The following ZNF534 variants were observed in gnomAD, a reference collection of about 807,000 sequenced individuals.
The protein encoded by ZNF534 is zinc finger protein 534, also known as KRAB domain only 3.
In ZNF534, 19 loss-of-function variants were observed where a neutral mutation model predicts 13.6. The observed-to-expected ratio is 1.40, with a 90% CI of 0.97 to 2.05. The LOEUF is 2.05. Ranked by LOEUF, ZNF534 falls within the 30% of genes most tolerant of loss-of-function variation. The probability of loss-of-function intolerance (pLI) is 0.00; values close to 1 mark genes in which losing one functional copy is unlikely to be tolerated. For missense variants in ZNF534, 782 were observed against 796.3 expected (o/e 0.98, Z 0.22); for synonymous variants, 244 against 273.8 (o/e 0.89, Z 1.07).
intron 1 of ZNF534, among the ~76,000 whole-genome samples, chr19:52,430,779 C>T (rs1224503332): frequency 1.3e-5 from 2 of 151,854 alleles, no homozygotes; most frequent in Non-Finnish European, 2.9e-5. Context: ...AACTCCTGAC[C>T]TCGTGATCGA....
At chr19:52,449,605 G>A (rs1189732694) in intron 4 of ZNF534, among the ~76,000 whole-genome samples, 1 of 152,060 alleles carries the variant, frequency 6.6e-6, no homozygotes, top group African/African-American at 2.4e-5. Flanking sequence ...CTGTGGTTTT[G>A]ATTTGCATTT....
intron 4 of ZNF534, among the ~76,000 whole-genome samples, chr19:52,449,430 G>T (rs2059205309): frequency 6.6e-6 from 1 of 151,280 alleles, no homozygotes; most frequent in Admixed American, 6.6e-5. Flanking sequence ...TCTGTTTGTA[G>T]TTTATTGAAG....
chr19:52,436,440 C>A (rs2446078), intron 4 of ZNF534, among the ~76,000 whole-genome samples: 1 of 152,116 alleles, frequency 6.6e-6, no homozygotes, highest in Non-Finnish European at 1.5e-5. Flanking sequence ...TGTCTTTGGG[C>A]TAATTTTAGT....
At chr19:52,434,165 T>C (rs2059112677) in intron 3 of ZNF534, 84 bp downstream of exon 3, 5 of 1,544,246 alleles carry the variant, frequency 3.2e-6, no homozygotes, top group Non-Finnish European at 4.4e-6. Context: ...CGGGAGCCCC[T>C]GCATTGCTTG....
chr19:52,445,058 T>A (rs10408608), downstream of ZNF534, among the ~76,000 whole-genome samples: 1 of 152,128 alleles, frequency 6.6e-6, no homozygotes, highest in Non-Finnish European at 1.5e-5. Context: ...AAAGTTCAAC[T>A]GGAGGTTTCC....
At chr19:52,433,253 A>G (rs1016022750) in intron 2 of ZNF534, among the ~76,000 whole-genome samples, 3 of 151,642 alleles carry the variant, frequency 2.0e-5, no homozygotes, top group Admixed American at 6.6e-5. Context: ...AAAAAAAAAA[A>G]AAAAAAAGAA....
At position 52,439,597 on chromosome 19, in the gene ZNF534, A is replaced by G. The variant is rs1177044604; in HGVS notation, c.*151A>G. Reference sequence around the variant, plus strand: ...TCTCTACTAAAAATACAAAAAAAAAAAAAAAAAAAAAATTAGCTGGGTGTG... The same window carrying G: ...TCTCTACTAAAAATACAAAAAAAAAGAAAAAAAAAAAATTAGCTGGGTGTG... On this transcript the variant is annotated 3_prime_UTR_variant, in exon 5 of 5. Coordinates refer to ENST00000433050, the MANE Select transcript of ZNF534 (RefSeq NM_001143938.3). 6.8e-6 allele frequency among the ~76,000 whole-genome samples: 1 copy of G among 147,620 alleles called. No individual in the cohort carries two copies. The highest frequency in any genetic ancestry group is 1.5e-5 in the Non-Finnish European group (1 of 66,512).
Position 52,440,867 on chromosome 19 carries a change from T to C in ZNF534, c.*1421T>C, listed in dbSNP as rs2059167810. Among the ~76,000 whole-genome samples the C allele has an allele frequency of 6.6e-6, 1 of 151,592 alleles. No homozygotes were observed. The highest frequency in any genetic ancestry group is 6.6e-5 in the Admixed American group (1 of 15,194). ...ATTGAGAAGGTGTTCAGGTCTTAACTGTTCATTTTGTAATCCATAGTGGAG... is the reference window on the plus strand; with the variant it reads ...ATTGAGAAGGTGTTCAGGTCTTAACCGTTCATTTTGTAATCCATAGTGGAG... On this transcript the variant is annotated 3_prime_UTR_variant, in exon 5 of 5. Coordinates refer to ENST00000433050, the MANE Select transcript of ZNF534 (RefSeq NM_001143938.3).
downstream of ZNF534, among the ~76,000 whole-genome samples, chr19:52,442,644 C>T (rs1043888754): frequency 6.6e-6 from 1 of 152,166 alleles, no homozygotes. Context: ...CTACTTTCCT[C>T]TTTATAACTT....
rs567972035 is a variant in ZNF534, at chr19:52,433,398, A to G, written c.16-557A>G. Among the ~76,000 whole-genome samples the G allele has an allele frequency of 4.4e-4, 66 of 150,790 alleles. No individual in the cohort carries two copies. In the South Asian group the frequency reaches 0.012, roughly 26 times the overall value. On this transcript the variant is annotated intron_variant, in intron 2 of 4. Coordinates refer to ENST00000433050, the MANE Select transcript of ZNF534 (RefSeq NM_001143938.3). The stretch of plus-strand genomic sequence containing the variant: ...TGGGGGGGGGAGGGGACGGAGTCTC[A>G]CTCTGTCACCCAGGCTGGAGTGCAG...
Position 52,439,210 on chromosome 19 carries a change from G to A in ZNF534, c.1750G>A (p.Gly584Ser), listed in dbSNP as rs537296309. The part of the protein sequence containing the change: ...GEKPHSCNEC[G>S]KVFSRNSHLA... ...GAAGCCTCACAGTTGTAATGAATGT[G>A]GCAAGGTCTTCAGTCGGAATTCACA... Residue 584 changes from glycine (G) to serine (S), a missense_variant, in exon 5 of 5, where the codon GGC (glycine) becomes AGC (serine). Coordinates refer to ENST00000433050, the MANE Select transcript of ZNF534 (RefSeq NM_001143938.3). The A allele has an allele frequency of 2.4e-5, 37 of 1,536,720 alleles. No individual in the cohort carries two copies. The Admixed American group carries it at 4.8e-4, about 20-fold the overall frequency.
At chr19:52,445,585 T>C (rs143079465), downstream of ZNF534, among the ~76,000 whole-genome samples, 4 of 152,310 alleles carry the variant, frequency 2.6e-5, no homozygotes, top group East Asian at 7.7e-4. Flanking sequence ...CGGTTTGTGT[T>C]CTTGGCAGAC....
At chr19:52,448,900 C>T (rs1017074131) in intron 4 of ZNF534, among the ~76,000 whole-genome samples, 2 of 152,120 alleles carry the variant, frequency 1.3e-5, no homozygotes, top group Non-Finnish European at 2.9e-5. Context: ...TTGAAATATA[C>T]AATAAATTAT....
chr19:52,435,953 T>G (rs1320924299), intron 4 of ZNF534, among the ~76,000 whole-genome samples: 4 of 143,284 alleles, frequency 2.8e-5, no homozygotes, highest in African/African-American at 1.0e-4. Flanking sequence ...TTTTTTTTTT[T>G]TTTGAGACCG....
At chr19:52,446,170 A>C (rs2059193753), downstream of ZNF534, among the ~76,000 whole-genome samples, 1 of 152,170 alleles carries the variant, frequency 6.6e-6, no homozygotes, top group South Asian at 2.1e-4. Flanking sequence ...CATTTGTTGA[A>C]GTAAATGAAA....
Position 52,438,730 on chromosome 19 carries a change from G to A in ZNF534, c.1270G>A (p.Asp424Asn), listed in dbSNP as rs2059148544. Residue 424 changes from aspartate (D) to asparagine (N), a missense_variant, in exon 5 of 5, where the codon GAT (aspartate) becomes AAT (asparagine). By Grantham distance (23) the Asp-to-Asn change is conservative (BLOSUM62 1). Around this residue, in one of 5 missense-constraint regions of ZNF534, gnomAD observed 591 missense variants for 574.0 expected, o/e 1.03. Coordinates refer to ENST00000433050, the MANE Select transcript of ZNF534 (RefSeq NM_001143938.3). The stretch of plus-strand genomic sequence containing the variant: ...TGGCAAAGCATTTAGAACGTGTTCA[G>A]ATCTCACTGCCCATCTTCTAATCCA... ...ECGKAFRTCS[D>N]LTAHLLIHTG... 1.3e-6 allele frequency: 2 copies of A among 1,590,704 alleles called. No individual in the cohort carries two copies. Among genetic ancestry groups the A allele is most frequent in the African/African-American group, 2.7e-5 (2 of 73,486 alleles).
chr19:52,432,235 A>G (rs532563225), intron 2 of ZNF534, among the ~76,000 whole-genome samples: 1 of 152,244 alleles, frequency 6.6e-6, no homozygotes, highest in African/African-American at 2.4e-5. Context: ...GATTATATAT[A>G]TGCATATATA....
At chr19:52,443,514 G>A (rs967380918), downstream of ZNF534, among the ~76,000 whole-genome samples, 2 of 152,064 alleles carry the variant, frequency 1.3e-5, no homozygotes, top group Non-Finnish European at 2.9e-5. Context: ...TACGTTGGGA[G>A]GCTGAGGTGG....
At chr19:52,444,522 AG>A (rs1270327969), downstream of ZNF534, among the ~76,000 whole-genome samples, 3 of 152,048 alleles carry the variant, frequency 2.0e-5, no homozygotes, top group African/African-American at 4.8e-5. Context: ...CAGCTGTGGT[AG>A]TATGGGGAGG....
Sources: allele counts gnomAD v4.1 joint callset (sites outside exome capture counted in the v4.1 genomes callset), GRCh38; gene constraint gnomAD v4.1.1; regional missense constraint gnomAD v4.1.1; transcripts MANE v1.5; gene names NCBI Gene and HGNC (gene_info 2026-07-23, HGNC 2026-07-21).